Variants in RHCG observed in about 807,000 individuals in gnomAD.
RHCG encodes the protein ammonium transporter Rh type C.
A neutral mutation model predicts 55.3 loss-of-function variants in RHCG; 39 were observed. The ratio of observed to expected loss-of-function variants is 0.70; its 90% CI spans 0.55 to 0.92. RHCG has a LOEUF of 0.92. Among genes scored for constraint, RHCG ranks in the 40% least tolerant of loss-of-function variants. The pLI is 0.00. For missense variants in RHCG, 635 were observed against 627.9 expected (o/e 1.01, Z -0.12); for synonymous variants, 250 against 246.8 (o/e 1.01, Z -0.12).
At chr15:89,490,968 C>T (rs372936607) in intron 1 of RHCG, among the ~76,000 whole-genome samples, 4 of 152,032 alleles carry the variant, frequency 2.6e-5, no homozygotes, top group African/African-American at 7.3e-5. Context: ...GCAGAGAAGA[C>T]GAAGGACACG....
intron 1 of RHCG, among the ~76,000 whole-genome samples, chr15:89,491,729 C>A (rs918156764): frequency 6.6e-6 from 1 of 151,700 alleles, no homozygotes; most frequent in Non-Finnish European, 1.5e-5. Context: ...ATTGTGCCAT[C>A]GCACTCCAGC....
At chr15:89,485,587 G>C (rs1489861530) in intron 2 of RHCG, among the ~76,000 whole-genome samples, 1 of 152,208 alleles carries the variant, frequency 6.6e-6, no homozygotes, top group Non-Finnish European at 1.5e-5. Context: ...AGCCCTTTCT[G>C]TGGACAGTTT....
At chr15:89,472,634 A>T in intron 10 of RHCG, 77 bp downstream of exon 10, 2 of 1,407,020 alleles carry the variant, frequency 1.4e-6, no homozygotes, top group Non-Finnish European at 1.9e-6. Flanking sequence ...CCTCTTTGCT[A>T]GTAACATCTG....
At chr15:89,472,934 C>G in intron 9 of RHCG, 71 bp from the exon 10 acceptor site, 1 of 1,382,730 alleles carries the variant, frequency 7.2e-7, no homozygotes, top group Non-Finnish European at 9.5e-7. Flanking sequence ...TGACTAGAAC[C>G]TGGAGCTGCA....
Position 89,486,985 on chromosome 15 carries a change from C to A in RHCG, c.185G>T (p.Ser62Ile), listed in dbSNP as rs779529910. 6.3e-7 allele frequency: 1 copy of A among 1,586,236 alleles called. No homozygotes were observed. The highest frequency in any genetic ancestry group is 1.1e-5 in the South Asian group (1 of 88,556). Residue 62 changes from serine to isoleucine, a missense_variant and splice_region_variant, in exon 2 of 11, where the codon AGC becomes ATC. Physicochemically the swap from Ser to Ile is moderately radical, Grantham distance 142. Coordinates refer to ENST00000268122, the MANE Select transcript of RHCG (RefSeq NM_016321.3). Reference protein sequence around the residue: ...MENEFYYRYPSFQDVHVMVFV... With the variant: ...MENEFYYRYPIFQDVHVMVFV... ...GACCATCACGTGCACGTCCTGGAAG[C>A]CTGCGGGGACAGTGCAGCCCGGGAC...
rs769599648 is a variant in RHCG, at chr15:89,476,742, C to T, written c.1311+13G>A. The T allele has an allele frequency of 6.2e-7, 1 of 1,612,646 alleles. No individual in the cohort carries two copies. The highest frequency in any genetic ancestry group is 1.3e-5 in the African/African-American group (1 of 74,998). The stretch of plus-strand genomic sequence containing the variant: ...GCTGCCCTCCTTCAGGGGGCCAAGT[C>T]CCTGGAACTCACCTCCCAGTAGACC... On this transcript the variant is annotated intron_variant, in intron 9 of 10. Transcript: ENST00000268122.
At chr15:89,492,864 A>G (rs1433939485) in intron 1 of RHCG, among the ~76,000 whole-genome samples, 2 of 152,176 alleles carry the variant, frequency 1.3e-5, no homozygotes, top group Non-Finnish European at 2.9e-5. Context: ...CTTCTGGGGA[A>G]GCCCAGTGGC....
chr15:89,472,563 G>A (rs1238344391), intron 10 of RHCG, 148 bp downstream of exon 10: 3 of 715,784 alleles, frequency 4.2e-6, no homozygotes, highest in Non-Finnish European at 6.7e-6. Flanking sequence ...CCAACCCCAT[G>A]TGCCCACTGC....
rs189550467 is a variant in RHCG at position 89,487,521 on chromosome 15, G to A, written c.185-536C>T. 5.3e-5 allele frequency among the ~76,000 whole-genome samples: 8 copies of A among 152,118 alleles called. 1 individual carries two copies. In the East Asian group the frequency reaches 1.3e-3, roughly 26 times the overall value. On this transcript the variant is annotated intron_variant, in intron 1 of 10. Transcript: ENST00000268122. ...TGCTGTGGAGAATCAATGCTCATCC[G>A]GCCAAGGAGTAGCCTGGACAGGCCA...
intron 9 of RHCG, among the ~76,000 whole-genome samples, chr15:89,474,188 A>G (rs992580301): frequency 6.6e-6 from 1 of 152,246 alleles, no homozygotes; most frequent in African/African-American, 2.4e-5. Context: ...GAAATATACC[A>G]GAAAATATTA....
chr15:89,493,184 T>A (rs1450758729), intron 1 of RHCG, among the ~76,000 whole-genome samples: 1 of 152,196 alleles, frequency 6.6e-6, no homozygotes, highest in Non-Finnish European at 1.5e-5. Flanking sequence ...CCCTGGGTCA[T>A]CTCCCGAAAT....
chr15:89,475,747 G>A (rs763723627), intron 9 of RHCG, among the ~76,000 whole-genome samples: 5 of 152,110 alleles, frequency 3.3e-5, no homozygotes, highest in East Asian at 1.9e-4. Flanking sequence ...AAATTCTAAT[G>A]TCTAGACCCT....
Position 89,477,430 on chromosome 15 carries a change from G to A in RHCG, c.1112+87C>T. The A allele has an allele frequency of 1.3e-6, 2 of 1,542,710 alleles. No homozygotes were observed. The highest frequency in any genetic ancestry group is 1.2e-5 in the South Asian group (1 of 82,644). On this transcript the variant is annotated intron_variant, in intron 7 of 10. Transcript: ENST00000268122. The surrounding 1 kb of genome is among the most constrained non-coding windows in gnomAD (Gnocchi z 4.5). ...AGTGGGGAAGGAAAGGGAGAAAGAT[G>A]CAGTCGGGTCCCAGAGGAATAGCAG...
intron 9 of RHCG, among the ~76,000 whole-genome samples, chr15:89,474,760 TCCTGCCTTCCTTCCTTCCTG>T: frequency 7.5e-6 from 1 of 133,268 alleles, no homozygotes; most frequent in Non-Finnish European, 1.5e-5. Flanking sequence ...CTGCCTTCCT[TCCTGCCTTCCTTCCTTCCTG>T]CCTGCCTTCC....
chr15:89,478,097 G>T, intron 5 of RHCG, 123 bp from the exon 6 acceptor site: 1 of 1,302,784 alleles, frequency 7.7e-7, no homozygotes. Flanking sequence ...GGATGGCTGG[G>T]AGTTCACCTC....
Position 89,485,802 on chromosome 15 carries a change from A to C in RHCG, c.371+997T>G, listed in dbSNP as rs1961347970. On this transcript the variant is annotated intron_variant, in intron 2 of 10. Coordinates refer to ENST00000268122, the MANE Select transcript of RHCG (RefSeq NM_016321.3). ...ACTAAAACTTGGCTAAAGCAGGAAAAATCTCCCAAAGGTTCTTGAGTAGGA... is the reference window on the plus strand; with the variant it reads ...ACTAAAACTTGGCTAAAGCAGGAAACATCTCCCAAAGGTTCTTGAGTAGGA... Among the ~76,000 whole-genome samples the C allele has an allele frequency of 2.0e-5, 3 of 152,322 alleles. No individual in the cohort carries two copies. The South Asian group carries it at 6.2e-4, about 32-fold the overall frequency.
At chr15:89,480,709 C>A (rs1318135402) in intron 3 of RHCG, among the ~76,000 whole-genome samples, 1 of 152,226 alleles carries the variant, frequency 6.6e-6, no homozygotes, top group Non-Finnish European at 1.5e-5. Flanking sequence ...AGAGGCAGAA[C>A]TGAGGGAAAC....
chr15:89,495,270 G>A (rs946907830), intron 1 of RHCG, among the ~76,000 whole-genome samples: 1 of 152,130 alleles, frequency 6.6e-6, no homozygotes, highest in Admixed American at 6.5e-5. Context: ...TTTTCATGCA[G>A]GCTGCCATTC....
chr15:89,472,421 C>T (rs1961055769), intron 10 of RHCG, among the ~76,000 whole-genome samples: 1 of 152,166 alleles, frequency 6.6e-6, no homozygotes. Flanking sequence ...CAAAGTCACA[C>T]ACCAGCAGGC....
Sources: allele counts gnomAD v4.1 joint callset (sites outside exome capture counted in the v4.1 genomes callset), GRCh38; gene constraint gnomAD v4.1.1; non-coding constraint Gnocchi (gnomAD v3.1); transcripts MANE v1.5; gene names NCBI Gene and HGNC (gene_info 2026-07-23, HGNC 2026-07-21).